The following LSM10 variants were observed in gnomAD, a reference collection of about 807,000 sequenced individuals.
LSM10 encodes the protein U7 snRNA-associated Sm-like protein LSm10.
A neutral mutation model predicts 5.2 loss-of-function variants in LSM10; 4 were observed. The ratio of observed to expected loss-of-function variants is 0.77; its 90% CI spans 0.38 to 1.77. The LOEUF (loss-of-function observed/expected upper bound fraction) is 1.77. Among genes scored for constraint, LSM10 ranks in the 40% most tolerant of loss-of-function variants. The probability of loss-of-function intolerance (pLI) is 0.04; values close to 1 mark genes in which losing one functional copy is unlikely to be tolerated. For missense variants in LSM10, 150 were observed against 171.6 expected, an observed-to-expected ratio of 0.87 and a Z score of 0.70; for synonymous variants, 63 against 67.4, an observed-to-expected ratio of 0.94 and a Z score of 0.32.
chr1:36,396,116 G>T (rs921428709), intron 1 of LSM10, among the ~76,000 whole-genome samples: 1 of 133,864 alleles, frequency 7.5e-6, no homozygotes, highest in Non-Finnish European at 1.7e-5. Flanking sequence ...CCAGCTACTC[G>T]GGGGGCTGAG....
intron 1 of LSM10, among the ~76,000 whole-genome samples, chr1:36,396,024 A>G (rs1266751585): frequency 6.6e-6 from 1 of 151,946 alleles, no homozygotes; most frequent in African/African-American, 2.4e-5. Context: ...GATCAAGACC[A>G]TCCTGGCTAA....
chr1:36,393,625 T>C lies in LSM10; in HGVS notation c.*133A>G. On this transcript the variant is annotated 3_prime_UTR_variant, in exon 2 of 2. Transcript: ENST00000315732. ...CCCTGTGAAAGGCAGCTTTGACAGG[T>C]GGTGTCTGTTGGACACCAGCTTCTG... 8.1e-7 allele frequency: 1 copy of C among 1,229,548 alleles called. No homozygotes were observed. The highest frequency in any genetic ancestry group is 1.1e-6 in the Non-Finnish European group (1 of 874,536). 76.2% of individuals were successfully genotyped at this position (1,229,548 alleles called of 1,614,324 possible). A position where few individuals can be genotyped will look rare whatever the true frequency, so the allele number is the denominator to read the frequency against.
intron 1 of LSM10, among the ~76,000 whole-genome samples, chr1:36,394,665 G>A (rs182274090): frequency 2.6e-5 from 4 of 152,116 alleles, no homozygotes; most frequent in Admixed American, 2.0e-4. Flanking sequence ...AAAATTAGCC[G>A]AGTGTGGTGA....
Position 36,394,028 on chromosome 1 carries a change from C to T in LSM10, c.102G>A (p.Arg34=). ...TGCGTCCGTGGGCCACGCTCTCATC[C>T]CGCAGGTCCACAGTGGTTACCCGGC... ...LQGRVTTVDL[R]DESVAHGRID... The change falls in exon 2 of 2, where the codon CGG becomes CGA. Residue 34 remains arginine (R), a synonymous_variant. Transcript: ENST00000315732. 2 of 1,614,238 alleles carry T rather than the reference C, an allele frequency of 1.2e-6. No individual in the cohort carries two copies. The highest frequency in any genetic ancestry group is 1.7e-6 in the Non-Finnish European group (2 of 1,180,052).
chr1:36,393,800 C>T lies in LSM10; in HGVS notation c.330G>A (p.Lys110=), dbSNP rs557347315. Residue 110 remains lysine (K), a synonymous_variant, in exon 2 of 2, where the codon AAG becomes AAA. Transcript: ENST00000315732. Reference sequence around the variant, plus strand: ...GGGGAAATTCCCACCGGCCTTGGCCCTTGCCACCAAAGTTTCGCACCCGAT... The same window carrying T: ...GGGGAAATTCCCACCGGCCTTGGCCTTTGCCACCAAAGTTTCGCACCCGAT... ...IIHRVRNFGG[K]GQGRWEFPPK... 6.2e-6 allele frequency: 10 copies of T among 1,614,254 alleles called. No homozygotes were observed. In the East Asian group the frequency reaches 1.1e-4, roughly 18 times the overall value.
Position 36,397,866 on chromosome 1 carries a change from C to T in LSM10, c.-124G>A, listed in dbSNP as rs569733412. On this transcript the variant is annotated 5_prime_UTR_variant, in exon 1 of 2. It removes an upstream start codon present in the reference 5' UTR. Coordinates refer to ENST00000315732, the MANE Select transcript of LSM10 (RefSeq NM_032881.3). ...GCCGGCTGCAGCAGGACGGAGAAAC[C>T]ATGCCGGCGACCGGGCCGCTCTGTC... 5 of 152,382 alleles carry T rather than the reference C, an allele frequency of 3.3e-5. No homozygotes were observed. Among genetic ancestry groups the T allele is most frequent in the African/African-American group, 1.2e-4 (5 of 41,586 alleles). The allele number at this position is 152,382 out of a possible 1,614,324, so 9.4% of individuals were successfully genotyped here.
Position 36,393,931 on chromosome 1 carries a change from C to T in LSM10, c.199G>A (p.Val67Ile), listed in dbSNP as rs1463544168. The change falls in exon 2 of 2, where the codon GTC becomes ATC. Residue 67 changes from valine to isoleucine, a missense_variant. Transcript: ENST00000315732. ...VTYTDRWGHQVKLDDLFVTGR... is the reference protein window; with the variant it reads ...VTYTDRWGHQIKLDDLFVTGR... Reference sequence around the variant, plus strand: ...GTCACAAAGAGGTCATCCAGCTTGACCTGATGCCCCCAACGGTCCGTGTAG... The same window carrying T: ...GTCACAAAGAGGTCATCCAGCTTGATCTGATGCCCCCAACGGTCCGTGTAG... 6.2e-7 allele frequency: 1 copy of T among 1,614,250 alleles called. No homozygotes were observed. The highest frequency in any genetic ancestry group is 8.5e-7 in the Non-Finnish European group (1 of 1,180,050).
intron 1 of LSM10, among the ~76,000 whole-genome samples, chr1:36,396,635 G>C (rs540835682): frequency 6.6e-6 from 1 of 152,182 alleles, no homozygotes; most frequent in South Asian, 2.1e-4. Context: ...CCACACTCTG[G>C]GAACTATTGG....
intron 1 of LSM10, among the ~76,000 whole-genome samples, chr1:36,394,418 C>T (rs1275804304): frequency 5.3e-5 from 8 of 151,896 alleles, no homozygotes; most frequent in Non-Finnish European, 1.2e-4. Flanking sequence ...GTACTAGCTA[C>T]TCAGGAGACT....
intron 1 of LSM10, among the ~76,000 whole-genome samples, chr1:36,395,947 C>T (rs1400070127): frequency 2.6e-5 from 4 of 151,924 alleles, no homozygotes; most frequent in East Asian, 1.9e-4. Flanking sequence ...CCCGGCTGGG[C>T]GCGGTGGCTC....
At position 36,393,448 on chromosome 1, in the gene LSM10, T is replaced by C. The variant is rs1365056136; in HGVS notation, c.*310A>G. The C allele has an allele frequency of 5.0e-6, 2 of 400,698 alleles. No individual in the cohort carries two copies. Among genetic ancestry groups the C allele is most frequent in the African/African-American group, 4.0e-5 (2 of 49,802 alleles). The allele number at this position is 400,698 out of a possible 1,614,324, so 24.8% of individuals were successfully genotyped here. ...ACTTAGAGGTGGCTCAGGCTGAGCATGTTTAATTATCCTCACTGGGAGAGT... is the reference window on the plus strand; with the variant it reads ...ACTTAGAGGTGGCTCAGGCTGAGCACGTTTAATTATCCTCACTGGGAGAGT... On this transcript the variant is annotated 3_prime_UTR_variant, in exon 2 of 2. Transcript: ENST00000315732.
chr1:36,397,329 T>C (rs778124588), intron 1 of LSM10, among the ~76,000 whole-genome samples: 8 of 152,190 alleles, frequency 5.3e-5, no homozygotes, highest in Non-Finnish European at 1.0e-4. Flanking sequence ...GGCTGTGCAT[T>C]GTGGCACTGA....
chr1:36,394,216 C>T, intron 1 of LSM10, 63 bp from the exon 2 acceptor site: 1 of 1,471,274 alleles, frequency 6.8e-7, no homozygotes, highest in Non-Finnish European at 9.1e-7. Flanking sequence ...GCCAACTCAC[C>T]TCCACCAGGT....
intron 1 of LSM10, among the ~76,000 whole-genome samples, chr1:36,394,588 C>T (rs981351429): frequency 8.5e-5 from 13 of 152,094 alleles, no homozygotes; most frequent in Middle Eastern, 3.4e-3. Flanking sequence ...AGGCAGATCA[C>T]GAGGTCAGGA....
At chr1:36,394,488 G>A (rs1647143962) in intron 1 of LSM10, among the ~76,000 whole-genome samples, 1 of 152,082 alleles carries the variant, frequency 6.6e-6, no homozygotes, top group South Asian at 2.1e-4. Flanking sequence ...AACATAGCAA[G>A]ACCCCAACTC....
At position 36,393,886 on chromosome 1, in the gene LSM10, C is replaced by T. The variant is rs117707620; in HGVS notation, c.244G>A (p.Val82Ile). ...ATGTTCACGTCATCTGGGATGTGGA[C>T]GTAGCGGACATTGCGGCCTGTCACA... is the stretch of plus-strand genomic sequence containing the variant. ...LFVTGRNVRY[V>I]HIPDDVNITS... The change falls in exon 2 of 2, where the codon GTC (valine) becomes ATC (isoleucine). Residue 82 changes from valine to isoleucine, a missense_variant. Val to Ile is a conservative substitution (Grantham distance 29). Transcript: ENST00000315732. 2.6e-4 allele frequency: 427 copies of T among 1,614,230 alleles called. 1 individual carries two copies. The East Asian group carries it at 7.2e-3, about 27-fold the overall frequency.
Position 36,393,932 on chromosome 1 carries a change from C to G in LSM10, c.198G>C (p.Gln66His), listed in dbSNP as rs962985093. The change falls in exon 2 of 2, where the codon CAG (glutamine) becomes CAC (histidine). Residue 66 changes from glutamine (Q) to histidine (H), a missense_variant. Coordinates refer to ENST00000315732, the MANE Select transcript of LSM10 (RefSeq NM_032881.3). ...TCACAAAGAGGTCATCCAGCTTGAC[C>G]TGATGCCCCCAACGGTCCGTGTAGG... The part of the protein sequence containing the change: ...KVTYTDRWGH[Q>H]VKLDDLFVTG... 2.5e-6 allele frequency: 4 copies of G among 1,614,142 alleles called. No individual in the cohort carries two copies. The highest frequency in any genetic ancestry group is 3.4e-6 in the Non-Finnish European group (4 of 1,180,048).
At chr1:36,394,451 C>G in intron 1 of LSM10, among the ~76,000 whole-genome samples, 1 of 151,896 alleles carries the variant, frequency 6.6e-6, no homozygotes, top group Non-Finnish European at 1.5e-5. Context: ...TCACTTGAGC[C>G]CAAGAGCTCT....
At chr1:36,394,578 A>G (rs11263882) in intron 1 of LSM10, among the ~76,000 whole-genome samples, 47,351 of 151,642 alleles carry the variant, frequency 0.31, 7,497 homozygotes, top group African/African-American at 0.35. Flanking sequence ...AGGCTGAGGC[A>G]GGCAGATCAC....
Sources: allele counts gnomAD v4.1 joint callset (sites outside exome capture counted in the v4.1 genomes callset), GRCh38; gene constraint gnomAD v4.1.1; transcripts MANE v1.5; gene names NCBI Gene and HGNC (gene_info 2026-07-23, HGNC 2026-07-21).